The following COX7B2 variants were observed in gnomAD, a reference collection of about 807,000 sequenced individuals.
COX7B2 encodes cytochrome c oxidase subunit 7B2, also known as cytochrome c oxidase subunit 7B2, mitochondrial.
For missense variants in COX7B2, 109 were observed against 95.9 expected, an observed-to-expected ratio of 1.14 and a Z score of -0.57; for synonymous variants, 37 against 32.1, an observed-to-expected ratio of 1.15 and a Z score of -0.51.
At chr4:46,808,034 AGTT>A (rs1044134850) in intron 2 of COX7B2, among the ~76,000 whole-genome samples, 1 of 151,736 alleles carries the variant, frequency 6.6e-6, no homozygotes, top group Non-Finnish European at 1.5e-5. Flanking sequence ...TTGGTTTTAA[AGTT>A]GTTGTTTCTA....
chr4:46,848,321 TTTTAA>T (rs962374445), intron 1 of COX7B2, among the ~76,000 whole-genome samples: 13 of 152,182 alleles, frequency 8.5e-5, no homozygotes, highest in East Asian at 3.9e-4. Flanking sequence ...TTGGATTGGC[TTTTAA>T]TTTATTTTTC....
rs190641464 is a variant in COX7B2, at chr4:46,775,105, C to T, written c.-49-39864G>A. 3.5e-3 allele frequency among the ~76,000 whole-genome samples: 534 copies of T among 152,122 alleles called. 1 individual carries two copies. Among genetic ancestry groups the T allele is most frequent in the Admixed American group, 7.5e-3 (115 of 15,258 alleles). ...TCAATTCTAGACATTGTAAGTGATACTGCTTGATACTTAAACATAAATTAC... is the reference window on the plus strand; with the variant it reads ...TCAATTCTAGACATTGTAAGTGATATTGCTTGATACTTAAACATAAATTAC... On this transcript the variant is annotated intron_variant, in intron 2 of 2. Coordinates refer to ENST00000355591, the MANE Select transcript of COX7B2 (RefSeq NM_130902.3).
intron 1 of COX7B2, among the ~76,000 whole-genome samples, chr4:46,863,113 G>T (rs1034064423): frequency 2.6e-5 from 4 of 152,004 alleles, no homozygotes; most frequent in Non-Finnish European, 5.9e-5. Flanking sequence ...GAATAACTTT[G>T]TCTAATTCAA....
intron 2 of COX7B2, among the ~76,000 whole-genome samples, chr4:46,769,483 G>A (rs1716745172): frequency 6.6e-6 from 1 of 152,170 alleles, no homozygotes. Context: ...TGTGATCACA[G>A]GCAGGTGGAT....
intron 2 of COX7B2, among the ~76,000 whole-genome samples, chr4:46,755,152 C>T (rs1577666332): frequency 6.6e-6 from 1 of 151,906 alleles, no homozygotes; most frequent in East Asian, 1.9e-4. Flanking sequence ...TCAATAAATG[C>T]TGTACATCAC....
At chr4:46,793,076 G>A (rs955292672) in intron 2 of COX7B2, among the ~76,000 whole-genome samples, 3 of 152,186 alleles carry the variant, frequency 2.0e-5, no homozygotes, top group African/African-American at 2.4e-5. Flanking sequence ...CCTAAGAGGC[G>A]CTCCTGGCCG....
intron 1 of COX7B2, among the ~76,000 whole-genome samples, chr4:46,876,404 C>CTTT (rs1213695191): frequency 3.0e-4 from 39 of 128,094 alleles, no homozygotes; most frequent in African/African-American, 9.6e-4. Flanking sequence ...GTCCTATTGT[C>CTTT]TTTTTTTTTT....
At chr4:46,749,332 G>C (rs114862251) in intron 2 of COX7B2, among the ~76,000 whole-genome samples, 1,667 of 152,014 alleles carry the variant, frequency 0.011, 18 homozygotes, top group Middle Eastern at 0.037. Context: ...TATCCAAAAT[G>C]TCTCCATCCT....
At chr4:46,852,059 T>C (rs1159777284) in intron 1 of COX7B2, among the ~76,000 whole-genome samples, 4 of 152,218 alleles carry the variant, frequency 2.6e-5, no homozygotes, top group East Asian at 1.9e-4. Flanking sequence ...TATATTACTA[T>C]GGTGTTTGCC....
At chr4:46,866,069 T>C (rs771385932) in intron 1 of COX7B2, among the ~76,000 whole-genome samples, 1 of 152,150 alleles carries the variant, frequency 6.6e-6, no homozygotes, top group Non-Finnish European at 1.5e-5. Context: ...TTCCCCACAA[T>C]GCTCTGTTCC....
At position 46,895,846 on chromosome 4, in the gene COX7B2, G is replaced by A. The variant is rs750157651; in HGVS notation, c.-105+13314C>T. ...GGGAGAAATTCAGCAAAATAACTTC[G>A]CTAGAAAATAATTACAATTAGACTT... On this transcript the variant is annotated intron_variant, in intron 1 of 2. Transcript: ENST00000355591. Among the ~76,000 whole-genome samples, 6 of 152,092 alleles carry A rather than the reference G, an allele frequency of 3.9e-5. 1 individual carries two copies. The highest frequency in any genetic ancestry group is 6.8e-3 in the Middle Eastern group (2 of 294).
chr4:46,894,672 A>C (rs1379849872), intron 1 of COX7B2, among the ~76,000 whole-genome samples: 2 of 152,202 alleles, frequency 1.3e-5, no homozygotes. Flanking sequence ...TCTGCCCAGC[A>C]AAAGAAACCA....
intron 1 of COX7B2, among the ~76,000 whole-genome samples, chr4:46,907,095 A>C (rs1720437411): frequency 6.6e-6 from 1 of 152,164 alleles, no homozygotes; most frequent in Non-Finnish European, 1.5e-5. Context: ...ATTCCATTTG[A>C]GATCTTGCCT....
intron 2 of COX7B2, among the ~76,000 whole-genome samples, chr4:46,787,360 A>T (rs56003080): frequency 0.034 from 5,097 of 151,674 alleles, 216 homozygotes; most frequent in African/African-American, 0.1. Context: ...GGCAGGAGAA[A>T]CGCTTGAACC....
At chr4:46,798,082 G>C (rs1418601033) in intron 2 of COX7B2, among the ~76,000 whole-genome samples, 1 of 152,162 alleles carries the variant, frequency 6.6e-6, no homozygotes, top group Non-Finnish European at 1.5e-5. Flanking sequence ...GAACTAGTGA[G>C]CAAGAAATAG....
intron 2 of COX7B2, among the ~76,000 whole-genome samples, chr4:46,750,667 C>CT (rs796771903): frequency 3.3e-5 from 5 of 152,228 alleles, no homozygotes; most frequent in African/African-American, 7.2e-5. Context: ...AAACAAAATA[C>CT]TAGAGCCTGC....
At chr4:46,746,542 C>T (rs149297908) in intron 2 of COX7B2, among the ~76,000 whole-genome samples, 45 of 134,502 alleles carry the variant, frequency 3.3e-4, no homozygotes, top group Non-Finnish European at 6.8e-4. Flanking sequence ...ATTGAAAGTA[C>T]AGTGGAAACA....
At chr4:46,853,187 C>A (rs1716800914) in intron 1 of COX7B2, among the ~76,000 whole-genome samples, 1 of 152,124 alleles carries the variant, frequency 6.6e-6, no homozygotes, top group Non-Finnish European at 1.5e-5. Context: ...TATTTGCTAG[C>A]TCAGTGATTT....
At chr4:46,794,450 C>G (rs995951619) in intron 2 of COX7B2, among the ~76,000 whole-genome samples, 7 of 152,120 alleles carry the variant, frequency 4.6e-5, no homozygotes, top group African/African-American at 1.7e-4. Context: ...GAAGACGGAA[C>G]TGTTAGAGTA....
Sources: gnomAD v4.1 joint callset for allele counts (sites outside exome capture counted in the v4.1 genomes callset) on GRCh38, gnomAD v4.1.1 for gene constraint, MANE v1.5 for transcripts, NCBI Gene and HGNC (gene_info 2026-07-23, HGNC 2026-07-21) for gene names.